ULK4: variants seen among roughly 807,000 people sequenced by gnomAD.
ULK4 encodes unc-51 like kinase 4.
In ULK4, 133 loss-of-function variants were observed where a neutral mutation model predicts 160.6. The ratio of observed to expected loss-of-function variants is 0.83; its 90% CI spans 0.72 to 0.96. The LOEUF is 0.96. ULK4 is among the 40% of genes least tolerant of loss of function. ULK4 has a pLI of 0.00. For synonymous variants in ULK4, 534 were observed against 539.8 expected, an observed-to-expected ratio of 0.99 and a Z score of 0.15; for missense variants, 1,580 against 1,499.5, an observed-to-expected ratio of 1.05 and a Z score of -0.89.
intron 2 of ULK4, among the ~76,000 whole-genome samples, chr3:41,954,176 TAAA>T (rs11325222): frequency 8.4e-6 from 1 of 118,686 alleles, no homozygotes; most frequent in African/African-American, 3.2e-5. Context: ...GACTCCGTCT[TAAA>T]AAAAAAAAAA....
intron 35 of ULK4, among the ~76,000 whole-genome samples, chr3:41,322,579 A>C (rs982575734): frequency 7.9e-5 from 12 of 152,224 alleles, no homozygotes; most frequent in Non-Finnish European, 1.5e-4. Flanking sequence ...ATGAACCAGA[A>C]TCTCACCAGG....
chr3:41,548,706 C>T (rs2086955965), intron 32 of ULK4, among the ~76,000 whole-genome samples: 1 of 126,468 alleles, frequency 7.9e-6, no homozygotes, highest in African/African-American at 3.0e-5. Context: ...CCTGAGCAAG[C>T]CATCTTTAGG....
intron 32 of ULK4, among the ~76,000 whole-genome samples, chr3:41,564,165 CCT>C (rs1345810903): frequency 6.6e-6 from 1 of 152,130 alleles, no homozygotes; most frequent in Non-Finnish European, 1.5e-5. Context: ...CACTCCAGAC[CCT>C]GTTTGCCTGG....
intron 34 of ULK4, among the ~76,000 whole-genome samples, chr3:41,442,197 G>C (rs1180176801): frequency 2.0e-5 from 3 of 152,164 alleles, no homozygotes; most frequent in Admixed American, 2.0e-4. Context: ...ATTAGAGAGA[G>C]AGTATTAGGG....
At chr3:41,332,397 C>T (rs1446919409) in intron 35 of ULK4, among the ~76,000 whole-genome samples, 8 of 152,184 alleles carry the variant, frequency 5.3e-5, no homozygotes, top group Non-Finnish European at 1.2e-4. Context: ...TTGATTTCAT[C>T]ATGGTTATGA....
chr3:41,707,472 G>C (rs972477276), intron 25 of ULK4, among the ~76,000 whole-genome samples: 1 of 152,158 alleles, frequency 6.6e-6, no homozygotes, highest in African/African-American at 2.4e-5. Context: ...ATATCTATGA[G>C]GGGGTGAATA....
chr3:41,542,072 A>T (rs2086714021), intron 32 of ULK4, among the ~76,000 whole-genome samples: 1 of 152,132 alleles, frequency 6.6e-6, no homozygotes, highest in African/African-American at 2.4e-5. Context: ...GAGTGGTGAG[A>T]GAGGGCATCC....
chr3:41,772,579 T>C (rs1051950432), intron 21 of ULK4, among the ~76,000 whole-genome samples: 2 of 152,150 alleles, frequency 1.3e-5, no homozygotes, highest in South Asian at 2.1e-4. Context: ...CAATAATTAA[T>C]AGCTTATCAA....
intron 21 of ULK4, among the ~76,000 whole-genome samples, chr3:41,780,881 GAC>G (rs1365676376): frequency 6.6e-6 from 1 of 152,072 alleles, no homozygotes; most frequent in Non-Finnish European, 1.5e-5. Flanking sequence ...GGTTCCCAGA[GAC>G]ACAGAGTTCC....
At chr3:41,491,171 T>TAA (rs2084745960) in intron 32 of ULK4, among the ~76,000 whole-genome samples, 1 of 152,206 alleles carries the variant, frequency 6.6e-6, no homozygotes, top group Non-Finnish European at 1.5e-5. Flanking sequence ...TAAAGAGCCC[T>TAA]ACCATATTTT....
intron 31 of ULK4, among the ~76,000 whole-genome samples, chr3:41,585,483 TG>T (rs2030722623): frequency 6.6e-6 from 1 of 152,218 alleles, no homozygotes; most frequent in African/African-American, 2.4e-5. Flanking sequence ...CAAATGAAGT[TG>T]AACTTTTACC....
At chr3:41,907,457 C>A (rs1396561680) in intron 12 of ULK4, among the ~76,000 whole-genome samples, 1 of 150,520 alleles carries the variant, frequency 6.6e-6, no homozygotes, top group African/African-American at 2.5e-5. Flanking sequence ...CCACCAAACC[C>A]AGCTAATTTT....
chr3:41,670,456 G>A, intron 29 of ULK4, among the ~76,000 whole-genome samples: 1 of 152,070 alleles, frequency 6.6e-6, no homozygotes, highest in East Asian at 1.9e-4. Context: ...ATTCTCTGGT[G>A]TTTTGCATGG....
chr3:41,754,396 A>G lies in ULK4; in HGVS notation c.2286T>C (p.Tyr762=). Reference sequence around the variant, plus strand: ...AACTGAGCAGCAACATCTCACGGTTATAAATCAAAATATATAGAAGAACCA... The same window carrying G: ...AACTGAGCAGCAACATCTCACGGTTGTAAATCAAAATATATAGAAGAACCA... The part of the protein sequence containing the change: ...AFLVLLYILI[Y]NREMLLLSCQ... The change falls in exon 22 of 37, where the codon TAT becomes TAC. Residue 762 remains tyrosine (Y), a synonymous_variant. Coordinates refer to ENST00000301831, the MANE Select transcript of ULK4 (RefSeq NM_017886.4). 1 of 1,613,318 alleles carries G rather than the reference A, an allele frequency of 6.2e-7. No homozygotes were observed. The highest frequency in any genetic ancestry group is 1.7e-5 in the Admixed American group (1 of 59,902).
At chr3:41,316,419 G>A (rs1447673112) in intron 35 of ULK4, among the ~76,000 whole-genome samples, 1 of 152,160 alleles carries the variant, frequency 6.6e-6, no homozygotes, top group African/African-American at 2.4e-5. Flanking sequence ...TCTCAATAAA[G>A]CTATTATTTT....
At chr3:41,774,306 T>C (rs2039520081) in intron 21 of ULK4, among the ~76,000 whole-genome samples, 2 of 149,784 alleles carry the variant, frequency 1.3e-5, no homozygotes, top group Non-Finnish European at 3.0e-5. Flanking sequence ...TGGGAGAAAA[T>C]TTTTGCAACC....
intron 31 of ULK4, among the ~76,000 whole-genome samples, chr3:41,573,613 G>C (rs1441249376): frequency 6.6e-6 from 1 of 152,144 alleles, no homozygotes; most frequent in East Asian, 1.9e-4. Context: ...ACCACAGAGA[G>C]AATAAAGAGC....
Position 41,718,174 on chromosome 3 carries a change from T to C in ULK4, c.2322-313A>G, listed in dbSNP as rs190870456. On this transcript the variant is annotated intron_variant, in intron 22 of 36. Coordinates refer to ENST00000301831, the MANE Select transcript of ULK4 (RefSeq NM_017886.4). The stretch of plus-strand genomic sequence containing the variant: ...TGTCTGGACAGAAGAGGGCTCTTTA[T>C]GTTTCAAAGGTTCAAAGTAAAGCCA... Among the ~76,000 whole-genome samples, 129 of 152,358 alleles carry C rather than the reference T, an allele frequency of 8.5e-4. 3 individuals are homozygous for C. In the East Asian group the frequency reaches 0.022, roughly 26 times the overall value.
chr3:41,717,529 C>G (rs115980688), intron 23 of ULK4, among the ~76,000 whole-genome samples, 199 bp downstream of exon 23: 1,901 of 152,230 alleles, frequency 0.012, 39 homozygotes, highest in African/African-American at 0.041. Context: ...TCTCATCATG[C>G]CTCATCATGT....
Sources: gnomAD v4.1 joint callset for allele counts (sites outside exome capture counted in the v4.1 genomes callset) on GRCh38, gnomAD v4.1.1 for gene constraint, MANE v1.5 for transcripts, NCBI Gene and HGNC (gene_info 2026-07-23, HGNC 2026-07-21) for gene names.